Variants in RXFP1 observed in about 807,000 individuals in gnomAD.
RXFP1 encodes relaxin receptor 1.
A neutral mutation model predicts 89.8 loss-of-function variants in RXFP1; 73 were observed. That is an observed-to-expected ratio of 0.81 (90% CI 0.67 to 0.99). The LOEUF is 0.99. Ranked by LOEUF, RXFP1 falls within the 50% of genes least tolerant of loss-of-function variation. The probability of loss-of-function intolerance (pLI) is 0.00; values close to 1 mark genes in which losing one functional copy is unlikely to be tolerated. For synonymous variants in RXFP1, 277 were observed against 305.5 expected, an observed-to-expected ratio of 0.91 and a Z score of 0.97; for missense variants, 793 against 895.5, an observed-to-expected ratio of 0.89 and a Z score of 1.46.
intron 5 of RXFP1, among the ~76,000 whole-genome samples, chr4:158,606,423 A>T (rs1021239497): frequency 3.3e-5 from 5 of 152,200 alleles, no homozygotes; most frequent in Admixed American, 1.3e-4. Context: ...AAAAATTTCT[A>T]ATTGGTTATT....
At chr4:158,528,309 G>C (rs915586598) in intron 1 of RXFP1, among the ~76,000 whole-genome samples, 3 of 151,932 alleles carry the variant, frequency 2.0e-5, no homozygotes, top group Admixed American at 1.3e-4. Context: ...AGACCAGCCT[G>C]GGGGGGCAAC....
chr4:158,572,279 G>A (rs1755248257), intron 1 of RXFP1, among the ~76,000 whole-genome samples: 1 of 152,186 alleles, frequency 6.6e-6, no homozygotes, highest in Non-Finnish European at 1.5e-5. Flanking sequence ...ATGAACCACA[G>A]GTTTTCCACA....
intron 1 of RXFP1, among the ~76,000 whole-genome samples, chr4:158,548,560 T>A (rs965559862): frequency 6.6e-6 from 1 of 152,202 alleles, no homozygotes; most frequent in African/African-American, 2.4e-5. Context: ...GGTCTTTACA[T>A]TTTGGCATGG....
chr4:158,635,796 C>T (rs895813900), intron 12 of RXFP1, among the ~76,000 whole-genome samples: 1 of 152,014 alleles, frequency 6.6e-6, no homozygotes, highest in African/African-American at 2.4e-5. Flanking sequence ...TTCCTTCCAT[C>T]CCCCATGTAA....
At chr4:158,548,396 CT>C (rs902998625) in intron 1 of RXFP1, among the ~76,000 whole-genome samples, 4 of 152,304 alleles carry the variant, frequency 2.6e-5, no homozygotes, top group African/African-American at 9.6e-5. Context: ...GGTCTGGACT[CT>C]TTATCCAATT....
intron 1 of RXFP1, among the ~76,000 whole-genome samples, chr4:158,546,669 G>C (rs1002095882): frequency 1.3e-5 from 2 of 152,174 alleles, no homozygotes; most frequent in Non-Finnish European, 2.9e-5. Context: ...AAGGGTTGTT[G>C]AATTTTGTCA....
At chr4:158,593,051 G>C (rs1278147645) in intron 2 of RXFP1, among the ~76,000 whole-genome samples, 1 of 149,758 alleles carries the variant, frequency 6.7e-6, no homozygotes, top group Non-Finnish European at 1.5e-5. Flanking sequence ...TCGTGCCACA[G>C]CACTCCACCT....
At chr4:158,537,442 TG>T (rs1290544698) in intron 1 of RXFP1, among the ~76,000 whole-genome samples, 11 of 152,108 alleles carry the variant, frequency 7.2e-5, no homozygotes, top group African/African-American at 2.2e-4. Flanking sequence ...AACAGGGTCT[TG>T]GTGGAAGACT....
intron 1 of RXFP1, among the ~76,000 whole-genome samples, chr4:158,563,534 ACACC>A (rs983822977): frequency 4.7e-5 from 5 of 107,162 alleles, no homozygotes; most frequent in Admixed American, 3.0e-4. Context: ...ACACACACAC[ACACC>A]CCAACAGGAA....
intron 17 of RXFP1, among the ~76,000 whole-genome samples, chr4:158,649,754 A>G (rs764103806): frequency 7.2e-5 from 11 of 152,260 alleles, no homozygotes; most frequent in Admixed American, 2.0e-4. Context: ...TTGCTGGTAG[A>G]AAAATAAAAT....
intron 1 of RXFP1, among the ~76,000 whole-genome samples, chr4:158,555,453 T>C (rs2149909122): frequency 6.6e-6 from 1 of 152,306 alleles, no homozygotes; most frequent in East Asian, 1.9e-4. Context: ...ATTATAAAAA[T>C]ATTTCCCTGT....
intron 14 of RXFP1, among the ~76,000 whole-genome samples, chr4:158,640,052 C>T (rs186638733): frequency 7.4e-4 from 113 of 152,292 alleles, no homozygotes; most frequent in African/African-American, 2.6e-3. Context: ...GTCTAAGTCA[C>T]TCAGTCTATG....
chr4:158,542,105 A>ATTTT (rs1239980342), intron 1 of RXFP1, among the ~76,000 whole-genome samples: 36 of 25,108 alleles, frequency 1.4e-3, no homozygotes, highest in South Asian at 5.3e-3. Flanking sequence ...ATATATATAT[A>ATTTT]TATATTTTTT....
chr4:158,620,293 G>C (rs1448846912), intron 9 of RXFP1, among the ~76,000 whole-genome samples: 1 of 151,998 alleles, frequency 6.6e-6, no homozygotes, highest in Non-Finnish European at 1.5e-5. Context: ...CAAAAATAAA[G>C]GCAAAACAGA....
intron 1 of RXFP1, among the ~76,000 whole-genome samples, chr4:158,546,567 G>C (rs1328487023): frequency 2.6e-5 from 4 of 152,182 alleles, no homozygotes; most frequent in Non-Finnish European, 5.9e-5. Flanking sequence ...TGTCTATTCA[G>C]TATGATATTG....
At chr4:158,594,427 G>C (rs1406753157) in intron 3 of RXFP1, among the ~76,000 whole-genome samples, 2 of 152,108 alleles carry the variant, frequency 1.3e-5, no homozygotes, top group African/African-American at 4.8e-5. Context: ...GGTGCTGGTT[G>C]TGGTGGTGTA....
At chr4:158,525,954 A>G (rs1443021720) in intron 1 of RXFP1, among the ~76,000 whole-genome samples, 1 of 152,262 alleles carries the variant, frequency 6.6e-6, no homozygotes, top group Non-Finnish European at 1.5e-5. Flanking sequence ...TGACCTTAAC[A>G]GACCCCTGAC....
At chr4:158,585,461 A>C (rs1758109504) in intron 2 of RXFP1, among the ~76,000 whole-genome samples, 1 of 152,186 alleles carries the variant, frequency 6.6e-6, no homozygotes, top group African/African-American at 2.4e-5. Context: ...GTGCCAGGGG[A>C]ATCTAACAAC....
chr4:158,646,379 C>A (rs1436656929), intron 15 of RXFP1: 1 of 695,414 alleles, frequency 1.4e-6, no homozygotes, highest in South Asian at 1.5e-5. Flanking sequence ...ACACCTTGAG[C>A]TTGTTGCGTT....
Sources: gnomAD v4.1 joint callset for allele counts (sites outside exome capture counted in the v4.1 genomes callset) on GRCh38, gnomAD v4.1.1 for gene constraint, MANE v1.5 for transcripts, NCBI Gene and HGNC (gene_info 2026-07-23, HGNC 2026-07-21) for gene names.